DLG2: variants seen among roughly 807,000 people sequenced by gnomAD.
DLG2 encodes discs large MAGUK scaffold protein 2.
Under a neutral mutation model 132.5 loss-of-function variants are expected in DLG2, and 45 were observed. That is an observed-to-expected ratio of 0.34 (90% confidence interval 0.27 to 0.44). DLG2 has a LOEUF of 0.44. Among genes scored for constraint, DLG2 ranks in the 20% least tolerant of loss-of-function variants. DLG2 has a pLI of 1.00. For missense variants in DLG2, 1,045 were observed against 1,196.9 expected (o/e 0.87, Z 1.87); for synonymous variants, 424 against 419.6 (o/e 1.01, Z -0.13).
intron 21 of DLG2, among the ~76,000 whole-genome samples, chr11:83,502,245 T>G (rs2094477651): frequency 6.6e-6 from 1 of 152,156 alleles, no homozygotes; most frequent in Non-Finnish European, 1.5e-5. Context: ...CCTAAGGGTT[T>G]ACACAACTAG....
chr11:84,833,804 T>C (rs1325648991), intron 6 of DLG2, among the ~76,000 whole-genome samples: 2 of 151,676 alleles, frequency 1.3e-5, no homozygotes, highest in Non-Finnish European at 3.0e-5. Context: ...CTATTGTTTT[T>C]TGCACAGAAC....
intron 9 of DLG2, among the ~76,000 whole-genome samples, chr11:84,135,167 C>T (rs2094557578): frequency 1.3e-5 from 2 of 152,012 alleles, no homozygotes; most frequent in African/African-American, 4.8e-5. Flanking sequence ...GAACAGAACA[C>T]ATGATAGGTG....
In DLG2 at chr11:84,059,452, A is replaced by T. The variant is rs367575894; in HGVS notation, c.782T>A (p.Val261Asp). ...ACTGTGGGAAACCTCTGACACATCA[A>T]CCTCATTCACCCGCAAGATACAATC... Reference protein sequence around the residue: ...VNDCILRVNEVDVSEVSHSKA... With the variant: ...VNDCILRVNEDDVSEVSHSKA... Residue 261 changes from valine (V) to aspartate (D), a missense_variant, in exon 11 of 28, where the codon GTT becomes GAT. Transcript: ENST00000376104. The T allele has an allele frequency of 6.2e-7, 1 of 1,611,524 alleles. No homozygotes were observed. Among genetic ancestry groups the T allele is most frequent in the Non-Finnish European group, 8.5e-7 (1 of 1,178,926 alleles).
At chr11:83,955,310 C>T (rs1335729366) in intron 14 of DLG2, among the ~76,000 whole-genome samples, 3 of 152,146 alleles carry the variant, frequency 2.0e-5, no homozygotes, top group Non-Finnish European at 4.4e-5. Context: ...AGCTCCAGGA[C>T]CCACACACCT....
intron 3 of DLG2, among the ~76,000 whole-genome samples, chr11:85,594,950 C>A (rs1328612232): frequency 6.6e-6 from 1 of 150,978 alleles, no homozygotes; most frequent in African/African-American, 2.4e-5. Flanking sequence ...CCTGTAATCC[C>A]AGCTACTCGG....
intron 6 of DLG2, among the ~76,000 whole-genome samples, chr11:84,996,515 G>A (rs1359516892): frequency 2.6e-5 from 4 of 152,148 alleles, no homozygotes; most frequent in Admixed American, 2.6e-4. Flanking sequence ...TAAGTCACCT[G>A]TAGAGGCTAT....
chr11:84,971,427 T>C (rs1298712845), intron 6 of DLG2, among the ~76,000 whole-genome samples: 2 of 152,176 alleles, frequency 1.3e-5, no homozygotes, highest in Non-Finnish European at 2.9e-5. Context: ...CTGATAAAAG[T>C]TGAGATTAGA....
intron 18 of DLG2, among the ~76,000 whole-genome samples, chr11:83,634,970 G>A (rs934677216): frequency 6.6e-6 from 1 of 152,128 alleles, no homozygotes; most frequent in Non-Finnish European, 1.5e-5. Flanking sequence ...GATTAAATAA[G>A]TAGAACACAT....
chr11:83,613,325 C>T (rs1342944477), intron 19 of DLG2, among the ~76,000 whole-genome samples: 2 of 152,204 alleles, frequency 1.3e-5, no homozygotes, highest in East Asian at 1.9e-4. Context: ...TGCACACACA[C>T]ATATGCGCAC....
intron 4 of DLG2, among the ~76,000 whole-genome samples, chr11:85,274,608 ACT>A (rs2077768842): frequency 6.6e-6 from 1 of 151,786 alleles, no homozygotes; most frequent in African/African-American, 2.4e-5. Flanking sequence ...TTCACAAGTG[ACT>A]CTCTCTGAAC....
intron 3 of DLG2, among the ~76,000 whole-genome samples, chr11:85,413,670 A>G (rs1185233941): frequency 6.6e-6 from 1 of 151,632 alleles, no homozygotes; most frequent in Non-Finnish European, 1.5e-5. Context: ...TGTCCTTTCC[A>G]CACTTTATGT....
intron 18 of DLG2, among the ~76,000 whole-genome samples, chr11:83,670,129 A>G (rs185480037): frequency 6.6e-6 from 1 of 152,310 alleles, no homozygotes; most frequent in East Asian, 1.9e-4. Context: ...AGTGAGTTCC[A>G]TGAGGATTAG....
intron 10 of DLG2, among the ~76,000 whole-genome samples, chr11:84,065,935 G>A (rs563075662): frequency 1.3e-5 from 2 of 152,216 alleles, no homozygotes; most frequent in Admixed American, 6.5e-5. Flanking sequence ...TGGAGCTGCA[G>A]GCCATTATCC....
intron 6 of DLG2, among the ~76,000 whole-genome samples, chr11:84,824,788 C>G (rs923069280): frequency 1.3e-5 from 2 of 151,814 alleles, no homozygotes; most frequent in Admixed American, 6.6e-5. Context: ...GCTTAAGTGT[C>G]GCAACACTCA....
chr11:84,695,686 G>A (rs1014255476), intron 6 of DLG2, among the ~76,000 whole-genome samples: 6 of 151,432 alleles, frequency 4.0e-5, no homozygotes, highest in East Asian at 1.9e-4. Flanking sequence ...TATTACACAC[G>A]TATTATGTGA....
chr11:84,714,605 T>TC (rs2060921839), intron 6 of DLG2, among the ~76,000 whole-genome samples: 10 of 99,456 alleles, frequency 1.0e-4, no homozygotes, highest in African/African-American at 4.0e-4. Context: ...TTCTTTCTCT[T>TC]TCTCTTTCTC....
chr11:85,129,489 T>TCC (rs1436483461), intron 5 of DLG2, among the ~76,000 whole-genome samples: 2 of 152,208 alleles, frequency 1.3e-5, no homozygotes, highest in Admixed American at 1.3e-4. Context: ...ATCACCATTC[T>TCC]AACTGGCATG....
At chr11:84,139,701 G>A (rs188784741) in intron 9 of DLG2, among the ~76,000 whole-genome samples, 60 of 152,154 alleles carry the variant, frequency 3.9e-4, no homozygotes, top group African/African-American at 1.4e-3. Context: ...AAGTGTTAAA[G>A]CTACAGTTTG....
chr11:84,017,688 C>A (rs2154073011), intron 11 of DLG2, among the ~76,000 whole-genome samples: 1 of 152,106 alleles, frequency 6.6e-6, no homozygotes, highest in South Asian at 2.1e-4. Flanking sequence ...TTATATTGTC[C>A]TTTTAAGTAC....
Sources: allele counts gnomAD v4.1 joint callset (sites outside exome capture counted in the v4.1 genomes callset), GRCh38; gene constraint gnomAD v4.1.1; transcripts MANE v1.5; gene names NCBI Gene and HGNC (gene_info 2026-07-23, HGNC 2026-07-21).